SMOC2: variants seen among roughly 807,000 people sequenced by gnomAD.
SMOC2 encodes the protein SPARC related modular calcium binding 2, also known as SPARC-related modular calcium-binding protein 2.
In SMOC2, 39 loss-of-function variants were observed where a neutral mutation model predicts 61.4. The observed-to-expected ratio is 0.64, with a 90% CI of 0.49 to 0.83. The LOEUF is 0.83. Among genes scored for constraint, SMOC2 ranks in the 40% least tolerant of loss-of-function variants. The pLI, the probability that SMOC2 is intolerant of heterozygous loss-of-function variation, is 0.00. For synonymous variants in SMOC2, 247 were observed against 239.9 expected, an observed-to-expected ratio of 1.03 and a Z score of -0.27; for missense variants, 556 against 592.9, an observed-to-expected ratio of 0.94 and a Z score of 0.65.
chr6:168,647,273 T>A (rs184172375), intron 9 of SMOC2, among the ~76,000 whole-genome samples: 1 of 152,314 alleles, frequency 6.6e-6, no homozygotes, highest in Non-Finnish European at 1.5e-5. Context: ...CAGGGGCCGT[T>A]AGACCCCACC....
intron 1 of SMOC2, among the ~76,000 whole-genome samples, chr6:168,451,850 G>T (rs1449177839): frequency 2.0e-5 from 3 of 152,186 alleles, no homozygotes; most frequent in Admixed American, 1.3e-4. Context: ...ATAAAACCCA[G>T]GTGGAGTCAT....
intron 9 of SMOC2, among the ~76,000 whole-genome samples, chr6:168,647,311 C>T (rs544300638): frequency 9.8e-5 from 15 of 152,288 alleles, no homozygotes; most frequent in South Asian, 2.1e-4. Context: ...AGAAGAAGGC[C>T]GGGGGCGGAG....
rs182575658 is a variant in SMOC2, at chr6:168,516,218, C to A, written c.256+6132C>A. ...TAGCCATTGACCTTGAATAGAACTGCGGTAGTTTACACTGATGCATTTTTC... is the reference window on the plus strand; with the variant it reads ...TAGCCATTGACCTTGAATAGAACTGAGGTAGTTTACACTGATGCATTTTTC... On this transcript the variant is annotated intron_variant, in intron 2 of 12. Transcript: ENST00000356284. 9.0e-4 allele frequency among the ~76,000 whole-genome samples: 137 copies of A among 152,264 alleles called. 4 individuals are homozygous for A. The South Asian group carries it at 0.027, about 30-fold the overall frequency.
At chr6:168,665,474 A>G (rs1032879303) in intron 12 of SMOC2, among the ~76,000 whole-genome samples, 16 of 152,260 alleles carry the variant, frequency 1.1e-4, no homozygotes, top group African/African-American at 3.9e-4. Flanking sequence ...CAAGGGTTTC[A>G]CCATATGCAT....
chr6:168,639,797 C>T (rs2115259508), intron 9 of SMOC2, among the ~76,000 whole-genome samples: 1 of 152,300 alleles, frequency 6.6e-6, no homozygotes, highest in East Asian at 1.9e-4. Flanking sequence ...TCCCTCATTT[C>T]AGAACAAACT....
chr6:168,659,500 T>G (rs72503843), intron 11 of SMOC2, among the ~76,000 whole-genome samples: 299 of 5,002 alleles, frequency 0.06, no homozygotes, highest in South Asian at 0.082. Flanking sequence ...GTTATAGTAT[T>G]GGTGAGGGTG....
chr6:168,496,944 G>C (rs1169828549), intron 1 of SMOC2, among the ~76,000 whole-genome samples: 1 of 152,252 alleles, frequency 6.6e-6, no homozygotes, highest in East Asian at 1.9e-4. Context: ...GAGCCTGACC[G>C]GAGCCCCCAC....
rs998766891 is a variant in SMOC2 at position 168,667,800 on chromosome 6, G to T, written c.*1362G>T. ...TGTTGTGATGCTTGTGGAGCATCGC[G>T]TAAGGCTTCTTGCTTATTTAAACTG... On this transcript the variant is annotated 3_prime_UTR_variant, in exon 13 of 13. Coordinates refer to ENST00000356284, the MANE Select transcript of SMOC2 (RefSeq NM_001166412.2). 6.6e-6 allele frequency: 1 copy of T among 152,192 alleles called. No homozygotes were observed. Among genetic ancestry groups the T allele is most frequent in the Non-Finnish European group, 1.5e-5 (1 of 68,040 alleles). 9.4% of individuals were successfully genotyped at this position (152,192 alleles called of 1,614,324 possible). A position where few individuals can be genotyped will look rare whatever the true frequency, so the allele number is the denominator to read the frequency against.
intron 7 of SMOC2, among the ~76,000 whole-genome samples, chr6:168,574,584 C>T (rs1285868057): frequency 6.6e-6 from 1 of 152,166 alleles, no homozygotes; most frequent in Non-Finnish European, 1.5e-5. Flanking sequence ...GGAACGTCTG[C>T]AGATGTGTTT....
In SMOC2 at chr6:168,510,093, T is replaced by C. The variant is rs1443418734; in HGVS notation, c.256+7T>C. The C allele has an allele frequency of 1.9e-6, 3 of 1,611,492 alleles. No homozygotes were observed. Among genetic ancestry groups the C allele is most frequent in the South Asian group, 1.1e-5 (1 of 91,026 alleles). On this transcript the variant is annotated splice_region_variant and intron_variant, in intron 2 of 12. Coordinates refer to ENST00000356284, the MANE Select transcript of SMOC2 (RefSeq NM_001166412.2). ...TATCGAGGAAACTGCAAAGGTAAGC[T>C]GCTGTTTGATCATTCATCCAAAGAT...
rs111646426 is a variant in SMOC2, at chr6:168,492,097, C to T, written c.85-17818C>T. The stretch of plus-strand genomic sequence containing the variant: ...TTAATTAAACAAAATAATGTCTCCC[C>T]AATTTTTTATTCATGGAAGAGAAAT... On this transcript the variant is annotated intron_variant, in intron 1 of 12. Coordinates refer to ENST00000356284, the MANE Select transcript of SMOC2 (RefSeq NM_001166412.2). Among the ~76,000 whole-genome samples the T allele has an allele frequency of 9.2e-3, 1,404 of 152,154 alleles. 13 individuals are homozygous for T. Among genetic ancestry groups the T allele is most frequent in the Non-Finnish European group, 0.016 (1,116 of 68,014 alleles).
chr6:168,658,026 G>A (rs1387328412), intron 11 of SMOC2, among the ~76,000 whole-genome samples: 1 of 152,150 alleles, frequency 6.6e-6, no homozygotes, highest in African/African-American at 2.4e-5. Context: ...GATCCCAGAA[G>A]ACAAATGGTG....
intron 9 of SMOC2, among the ~76,000 whole-genome samples, chr6:168,619,142 C>T (rs1228016724): frequency 1.3e-5 from 2 of 152,048 alleles, no homozygotes; most frequent in East Asian, 1.9e-4. Context: ...AGCAATGTGG[C>T]TTGTTTTTGT....
intron 8 of SMOC2, among the ~76,000 whole-genome samples, chr6:168,599,536 C>CCA (rs146935677): frequency 0.85 from 58,915 of 69,370 alleles, 24,973 homozygotes; most frequent in Middle Eastern, 0.91. Context: ...CCCCACACAC[C>CCA]CACTCACACA....
intron 8 of SMOC2, among the ~76,000 whole-genome samples, chr6:168,606,982 G>A (rs528962102): frequency 2.6e-5 from 4 of 152,284 alleles, no homozygotes; most frequent in Admixed American, 1.3e-4. Flanking sequence ...GGTCAGCTGA[G>A]TGGAGGGGAA....
intron 9 of SMOC2, among the ~76,000 whole-genome samples, chr6:168,636,634 T>C (rs1483278864): frequency 6.6e-6 from 1 of 152,240 alleles, no homozygotes; most frequent in Non-Finnish European, 1.5e-5. Context: ...GGACAGAAAG[T>C]GATAGCGGTC....
In SMOC2 at chr6:168,461,186, T is replaced by C. The variant is rs185096230; in HGVS notation, c.84+19732T>C. On this transcript the variant is annotated intron_variant, in intron 1 of 12. Coordinates refer to ENST00000356284, the MANE Select transcript of SMOC2 (RefSeq NM_001166412.2). ...GAGGCAAAGAGAGCTTGTGCAGGGG[T>C]ACTCCCGTTTTAAATCCATCAGATC... Among the ~76,000 whole-genome samples the C allele has an allele frequency of 5.0e-3, 762 of 152,276 alleles. 10 individuals are homozygous for C. Among genetic ancestry groups the C allele is most frequent in the African/African-American group, 0.017 (702 of 41,564 alleles).
intron 1 of SMOC2, among the ~76,000 whole-genome samples, chr6:168,469,160 T>G (rs943630982): frequency 6.6e-6 from 1 of 152,220 alleles, no homozygotes; most frequent in African/African-American, 2.4e-5. Flanking sequence ...CAAGAGTCCT[T>G]GCCCTGATGA....
chr6:168,531,357 A>G (rs564433999), intron 4 of SMOC2, among the ~76,000 whole-genome samples: 1 of 152,296 alleles, frequency 6.6e-6, no homozygotes, highest in South Asian at 2.1e-4. Flanking sequence ...ATATTTTAGG[A>G]ATTTAAAATG....
Sources: allele counts gnomAD v4.1 joint callset (sites outside exome capture counted in the v4.1 genomes callset), GRCh38; gene constraint gnomAD v4.1.1; transcripts MANE v1.5; gene names NCBI Gene and HGNC (gene_info 2026-07-23, HGNC 2026-07-21).